USH2A: variants seen among roughly 807,000 people sequenced by gnomAD.
The protein encoded by USH2A is Usher syndrome 2A (autosomal recessive, mild).
USH2A carries 443 observed loss-of-function variants against 538.9 expected under a neutral mutation model. The ratio of observed to expected loss-of-function variants is 0.82; its 90% CI spans 0.76 to 0.89. The LOEUF is 0.89. Ranked by LOEUF, USH2A falls within the 40% of genes least tolerant of loss-of-function variation. USH2A has a pLI of 0.00. For missense variants in USH2A, 6,633 were observed against 6,324.8 expected (o/e 1.05, Z -1.65); for synonymous variants, 2,413 against 2,273.5 (o/e 1.06, Z -1.75).
intron 21 of USH2A, among the ~76,000 whole-genome samples, chr1:216,130,191 C>T (rs1420450615): frequency 6.6e-6 from 1 of 151,802 alleles, no homozygotes; most frequent in African/African-American, 2.4e-5. Flanking sequence ...TTACTGGGCA[C>T]AGGTGGTGTT....
rs1397341233 is a variant in USH2A at position 215,782,790 on chromosome 1, G to T, written c.10533C>A (p.Asp3511Glu). 1 of 1,613,820 alleles carries T rather than the reference G, an allele frequency of 6.2e-7. No homozygotes were observed. The highest frequency in any genetic ancestry group is 2.2e-5 in the East Asian group (1 of 44,872). ...GVSPPTWTKI[D>E]NLEDTIVLNW... is the part of the protein sequence containing the mutation. ...TTAAGACAATTGTATCTTCAAGATT[G>T]TCTATTTTGGTCCACGTAGGGGGAC... is the stretch of plus-strand genomic sequence containing the variant. The change falls in exon 53 of 72, where the codon GAC becomes GAA. Residue 3511 changes from aspartate (D) to glutamate (E), a missense_variant. Transcript: ENST00000307340.
rs1383618728 is a variant in USH2A, at chr1:216,321,931, C to A, written c.1596G>T (p.Gln532His). Residue 532 changes from glutamine (Q) to histidine (H), a missense_variant, in exon 9 of 72, where the codon CAG becomes CAT. Coordinates refer to ENST00000307340, the MANE Select transcript of USH2A (RefSeq NM_206933.4). Reference sequence around the variant, plus strand: ...CCTGGGAGCAGAGGCATCTATATGGCTGGCTTGTTGTGTCGCAGTTATCGG... The same window carrying A: ...CCTGGGAGCAGAGGCATCTATATGGATGGCTTGTTGTGTCGCAGTTATCGG... ...GHADNCDTTS[Q>H]PYRCLCSQES... 1.9e-6 allele frequency: 3 copies of A among 1,613,874 alleles called. No individual in the cohort carries two copies. Among genetic ancestry groups the A allele is most frequent in the Non-Finnish European group, 2.5e-6 (3 of 1,179,880 alleles).
intron 21 of USH2A, among the ~76,000 whole-genome samples, chr1:216,157,939 T>C (rs2033982765): frequency 6.6e-6 from 1 of 152,098 alleles, no homozygotes; most frequent in South Asian, 2.1e-4. Context: ...GTACCCATTA[T>C]ACCTAAAATA....
In USH2A at chr1:216,000,465, C is replaced by A. The variant is rs758340986; in HGVS notation, c.6423G>T (p.Leu2141=). Residue 2141 remains leucine, a synonymous_variant, in exon 33 of 72, where the codon CTG becomes CTT. Coordinates refer to ENST00000307340, the MANE Select transcript of USH2A (RefSeq NM_206933.4). ...CTGGGGAATCCACGTGTTCTGGTGG[C>A]AGCTGTGCTGTGTACAGTAGGACCC... ...SSWVLLYTAQ[L]PPEHVDSPVL... 1.9e-6 allele frequency: 3 copies of A among 1,613,732 alleles called. No homozygotes were observed. In the East Asian group the frequency reaches 6.7e-5, roughly 36 times the overall value.
chr1:216,277,391 T>C lies in USH2A; in HGVS notation c.1971+11889A>G, dbSNP rs559069058. 7.2e-5 allele frequency among the ~76,000 whole-genome samples: 11 copies of C among 152,276 alleles called. No homozygotes were observed. The South Asian group carries it at 2.1e-3, about 29-fold the overall frequency. ...CTCTTGCTGATACATGCTGCTATGA[T>C]ATGTGCTTTCACAGGTGCATCTACC... On this transcript the variant is annotated intron_variant, in intron 11 of 71. Coordinates refer to ENST00000307340, the MANE Select transcript of USH2A (RefSeq NM_206933.4).
At chr1:216,319,813 G>A (rs1335328401) in intron 9 of USH2A, among the ~76,000 whole-genome samples, 1 of 152,162 alleles carries the variant, frequency 6.6e-6, no homozygotes, top group African/African-American at 2.4e-5. Context: ...GTAAGAATCA[G>A]AAGACAGAAA....
At chr1:215,752,090 C>CCT (rs1293560944) in intron 58 of USH2A, among the ~76,000 whole-genome samples, 6 of 151,794 alleles carry the variant, frequency 4.0e-5, no homozygotes, top group African/African-American at 1.2e-4. Flanking sequence ...TGTCTCTCTG[C>CCT]CTCTCTCTCT....
At chr1:215,719,344 G>A (rs920373585) in intron 61 of USH2A, among the ~76,000 whole-genome samples, 2 of 104,828 alleles carry the variant, frequency 1.9e-5, no homozygotes, top group African/African-American at 3.7e-5. Context: ...GGATAAGACC[G>A]TAATAAACCT....
rs146868450 is a variant in USH2A at position 215,632,349 on chromosome 1, G to A, written c.15297+2110C>T. On this transcript the variant is annotated intron_variant, in intron 70 of 71. Transcript: ENST00000307340. ...TTCATGGTCCTCACTTTGACAAAAC[G>A]AAGCTTAACAAGACTCATTAAAACC... 2.8e-3 allele frequency among the ~76,000 whole-genome samples: 428 copies of A among 152,256 alleles called. 2 individuals carry two copies. Among genetic ancestry groups the A allele is most frequent in the African/African-American group, 9.8e-3 (406 of 41,544 alleles).
In USH2A at chr1:215,888,445, A is replaced by G; in HGVS notation, c.8204T>C (p.Leu2735Pro). 6.2e-7 allele frequency: 1 copy of G among 1,613,448 alleles called. No individual in the cohort carries two copies. Reference protein sequence around the residue: ...AGVQPPVVTVLEPDAVQVTWK... With the variant: ...AGVQPPVVTVPEPDAVQVTWK... ...TCTTACCTGGACTGCATCGGGTTCC[A>G]GCACTGTCACCACAGGTGGCTGCAC... Residue 2735 changes from leucine to proline, a missense_variant, in exon 41 of 72, where the codon CTG becomes CCG. By Grantham distance (98) the Leu-to-Pro change is moderately conservative. Transcript: ENST00000307340.
intron 3 of USH2A, among the ~76,000 whole-genome samples, chr1:216,370,677 C>CAAAAAAAAAAAAAAAAAAAAAAAAAA (rs58845914): frequency 1.0e-4 from 3 of 30,000 alleles, no homozygotes; most frequent in African/African-American, 2.2e-4. Context: ...GACTCTGTCT[C>CAAAAAAAAAAAAAAAAAAAAAAAAAA]AAAAAAAAAA....
At chr1:216,267,178 G>T (rs180845196) in intron 11 of USH2A, among the ~76,000 whole-genome samples, 1 of 152,022 alleles carries the variant, frequency 6.6e-6, no homozygotes, top group Non-Finnish European at 1.5e-5. Flanking sequence ...AGGAAAACCC[G>T]GAGAATGTGG....
chr1:216,270,318 C>G (rs565350236), intron 11 of USH2A, among the ~76,000 whole-genome samples: 2 of 151,866 alleles, frequency 1.3e-5, no homozygotes, highest in South Asian at 2.1e-4. Context: ...AAATCTGTCC[C>G]GGAAATTGAG....
intron 36 of USH2A, among the ~76,000 whole-genome samples, chr1:215,968,502 G>A (rs547495332): frequency 2.0e-5 from 3 of 152,134 alleles, no homozygotes; most frequent in South Asian, 2.1e-4. Context: ...ACTTCTGTAT[G>A]TCTTTTTATT....
At chr1:215,637,568 T>C (rs1345925134) in intron 69 of USH2A, among the ~76,000 whole-genome samples, 1 of 152,204 alleles carries the variant, frequency 6.6e-6, no homozygotes, top group East Asian at 1.9e-4. Flanking sequence ...GCTAACAGAA[T>C]ACTAAATGAG....
At chr1:215,721,449 G>A (rs1659658022) in intron 61 of USH2A, among the ~76,000 whole-genome samples, 1 of 152,148 alleles carries the variant, frequency 6.6e-6, no homozygotes, top group Non-Finnish European at 1.5e-5. Context: ...ACTGAAAAGT[G>A]ACTGGAAAAT....
intron 61 of USH2A, among the ~76,000 whole-genome samples, chr1:215,705,468 G>A (rs1659158189): frequency 6.6e-6 from 1 of 152,220 alleles, no homozygotes; most frequent in Non-Finnish European, 1.5e-5. Context: ...TGACAAGTAT[G>A]TAACAACTGC....
At chr1:216,413,173 C>T (rs1452183960) in intron 3 of USH2A, among the ~76,000 whole-genome samples, 2 of 151,978 alleles carry the variant, frequency 1.3e-5, no homozygotes, top group African/African-American at 2.4e-5. Flanking sequence ...ACATTTAGCA[C>T]ACATATGCAT....
intron 3 of USH2A, among the ~76,000 whole-genome samples, chr1:216,416,691 A>C (rs1010629431): frequency 1.3e-5 from 2 of 152,134 alleles, no homozygotes; most frequent in Non-Finnish European, 2.9e-5. Flanking sequence ...TTTATCCCCA[A>C]GGGAGTAATT....
Sources: gnomAD v4.1 joint callset for allele counts (sites outside exome capture counted in the v4.1 genomes callset) on GRCh38, gnomAD v4.1.1 for gene constraint, MANE v1.5 for transcripts, NCBI Gene and HGNC (gene_info 2026-07-23, HGNC 2026-07-21) for gene names.